The following LAPTM4B variants were observed in gnomAD, a reference collection of about 807,000 sequenced individuals.
The protein encoded by LAPTM4B is lysosomal protein transmembrane 4 beta, also known as lysosomal-associated transmembrane protein 4B.
In LAPTM4B, 26 loss-of-function variants were observed where a neutral mutation model predicts 28.5. That is an observed-to-expected ratio of 0.91 (90% confidence interval 0.67 to 1.27). The LOEUF is 1.27. Among genes scored for constraint, LAPTM4B ranks in the 50% most tolerant of loss-of-function variants. LAPTM4B has a pLI of 0.00. For synonymous variants in LAPTM4B, 109 were observed against 106.4 expected (o/e 1.02, Z -0.15); for missense variants, 288 against 285.8 (o/e 1.01, Z -0.06).
chr8:97,842,672 C>T (rs1817367705), intron 6 of LAPTM4B, among the ~76,000 whole-genome samples: 1 of 151,578 alleles, frequency 6.6e-6, no homozygotes, highest in Admixed American at 6.6e-5. Context: ...GCGCCCGCCA[C>T]CACGCCTAGC....
At chr8:97,781,932 C>T (rs1816326272) in intron 1 of LAPTM4B, among the ~76,000 whole-genome samples, 1 of 150,696 alleles carries the variant, frequency 6.6e-6, no homozygotes, top group Non-Finnish European at 1.5e-5. Context: ...CAATTTGGGG[C>T]TATTATAAAT....
At chr8:97,805,665 A>G (rs1816748540) in intron 2 of LAPTM4B, among the ~76,000 whole-genome samples, 1 of 124,832 alleles carries the variant, frequency 8.0e-6, no homozygotes, top group South Asian at 2.6e-4. Context: ...ATCTTATGTT[A>G]ACTTACCCAC....
chr8:97,775,790 C>A lies in LAPTM4B; in HGVS notation c.-220C>A. ...CAAGTCCGCCCCGCCCCCTCCCCGT[C>A]CCCGCCGCTGCAGCGGTCGCCTTCG... On this transcript the variant is annotated 5_prime_UTR_variant, in exon 1 of 7. Transcript: ENST00000521545. The A allele has an allele frequency of 6.4e-7, 1 of 1,559,186 alleles. No homozygotes were observed. The highest frequency in any genetic ancestry group is 8.7e-7 in the Non-Finnish European group (1 of 1,155,014).
chr8:97,781,639 C>T (rs939558017), intron 1 of LAPTM4B, among the ~76,000 whole-genome samples: 4 of 152,156 alleles, frequency 2.6e-5, no homozygotes, highest in African/African-American at 9.7e-5. Flanking sequence ...AACCCACATT[C>T]CTTGAGAACA....
chr8:97,823,356 GTTTTTT>G (rs72472850), intron 5 of LAPTM4B, among the ~76,000 whole-genome samples: 5 of 131,108 alleles, frequency 3.8e-5, no homozygotes, highest in African/African-American at 1.5e-4. Flanking sequence ...TTTTTTTTTT[GTTTTTT>G]TTTTGTTGTT....
chr8:97,784,402 G>C (rs60778354), intron 1 of LAPTM4B, among the ~76,000 whole-genome samples: 4,518 of 152,220 alleles, frequency 0.03, 204 homozygotes, highest in African/African-American at 0.1. Flanking sequence ...ATGAACAGGA[G>C]CGATATGATG....
chr8:97,851,914 G>T lies in LAPTM4B; in HGVS notation c.*440G>T, dbSNP rs1264729591. Reference sequence around the variant, plus strand: ...CCTTATGGAAACAGGAATGTCAATTGTGTAATCATTGTTCTAATTAGGTAA... The same window carrying T: ...CCTTATGGAAACAGGAATGTCAATTTTGTAATCATTGTTCTAATTAGGTAA... On this transcript the variant is annotated 3_prime_UTR_variant, in exon 7 of 7. Transcript: ENST00000521545. 1 of 165,048 alleles carries T rather than the reference G, an allele frequency of 6.1e-6. No homozygotes were observed. Among genetic ancestry groups the T allele is most frequent in the Non-Finnish European group, 1.3e-5 (1 of 76,514 alleles). 10.2% of individuals were successfully genotyped at this position (165,048 alleles called of 1,614,324 possible). A position where few individuals can be genotyped will look rare whatever the true frequency, so the allele number is the denominator to read the frequency against.
intron 6 of LAPTM4B, among the ~76,000 whole-genome samples, chr8:97,841,179 G>C (rs1189365694): frequency 1.3e-5 from 2 of 152,276 alleles, no homozygotes; most frequent in African/African-American, 4.8e-5. Context: ...TCACTTCCCA[G>C]ACGGGGCGGC....
chr8:97,824,943 T>C, intron 5 of LAPTM4B, 115 bp from the exon 6 acceptor site: 1 of 620,448 alleles, frequency 1.6e-6, no homozygotes, highest in Non-Finnish European at 2.9e-6. Flanking sequence ...TGTTATAATA[T>C]GTGCATTTAT....
At position 97,821,921 on chromosome 8, in the gene LAPTM4B, AT is replaced by A. The variant is rs1486214201; in HGVS notation, c.507+2684del. ...CTTTTCTGCCAACATAAATAAAAAA[AT>A]AAAAACAAAAATAAATAAATAAATA... On this transcript the variant is annotated intron_variant, in intron 5 of 6. Coordinates refer to ENST00000521545, the MANE Select transcript of LAPTM4B (RefSeq NM_018407.6). 1.1e-4 allele frequency among the ~76,000 whole-genome samples: 17 copies of A among 152,346 alleles called. No homozygotes were observed. In the East Asian group the frequency reaches 3.1e-3, roughly 28 times the overall value.
intron 6 of LAPTM4B, among the ~76,000 whole-genome samples, chr8:97,837,916 A>C (rs1310045167): frequency 6.6e-6 from 1 of 152,210 alleles, no homozygotes; most frequent in Non-Finnish European, 1.5e-5. Context: ...TTTCCCTTAT[A>C]ATTTAGTAAT....
At chr8:97,815,946 A>G (rs758682091) in intron 3 of LAPTM4B, 112 bp from the exon 4 acceptor site, 10 of 1,072,280 alleles carry the variant, frequency 9.3e-6, no homozygotes, top group Non-Finnish European at 1.2e-5. Flanking sequence ...ACCTGGGTTA[A>G]TGAATTCCAA....
At chr8:97,785,034 G>A (rs1816379691) in intron 1 of LAPTM4B, among the ~76,000 whole-genome samples, 1 of 151,902 alleles carries the variant, frequency 6.6e-6, no homozygotes, top group Non-Finnish European at 1.5e-5. Flanking sequence ...CAGTTCTATA[G>A]AACATTGGTT....
At chr8:97,796,270 A>T (rs1276379774) in intron 1 of LAPTM4B, among the ~76,000 whole-genome samples, 1 of 152,178 alleles carries the variant, frequency 6.6e-6, no homozygotes, top group Admixed American at 6.6e-5. Context: ...TGGATTATTC[A>T]TGAGTCTAAT....
intron 4 of LAPTM4B, among the ~76,000 whole-genome samples, chr8:97,817,770 A>T (rs571407442): frequency 7.4e-6 from 1 of 134,982 alleles, no homozygotes; most frequent in African/African-American, 2.7e-5. Flanking sequence ...TTTTTTTTTT[A>T]GTAGAGGTGG....
At chr8:97,785,226 C>G (rs996284079) in intron 1 of LAPTM4B, among the ~76,000 whole-genome samples, 1 of 152,062 alleles carries the variant, frequency 6.6e-6, no homozygotes, top group East Asian at 1.9e-4. Context: ...CATGGGATTA[C>G]AGGCGCAGGC....
At chr8:97,777,557 C>T (rs1816243847) in intron 1 of LAPTM4B, among the ~76,000 whole-genome samples, 1 of 152,052 alleles carries the variant, frequency 6.6e-6, no homozygotes, top group African/African-American at 2.4e-5. Flanking sequence ...TGAACCCCTT[C>T]CTTGTACCAT....
intron 2 of LAPTM4B, among the ~76,000 whole-genome samples, chr8:97,812,917 C>T (rs912804937): frequency 6.6e-6 from 1 of 152,212 alleles, no homozygotes; most frequent in Non-Finnish European, 1.5e-5. Flanking sequence ...CTGGTAGAGC[C>T]ACTCCCCTAC....
chr8:97,805,595 A>G, intron 2 of LAPTM4B, 131 bp downstream of exon 2: 2 of 647,924 alleles, frequency 3.1e-6, no homozygotes, highest in Admixed American at 2.6e-5. Flanking sequence ...ATCAACGAAT[A>G]TTTGTGTGCG....
Sources: gnomAD v4.1 joint callset for allele counts (sites outside exome capture counted in the v4.1 genomes callset) on GRCh38, gnomAD v4.1.1 for gene constraint, MANE v1.5 for transcripts, NCBI Gene and HGNC (gene_info 2026-07-23, HGNC 2026-07-21) for gene names.